The following FAM167A variants were observed in gnomAD, a reference collection of about 807,000 sequenced individuals.
The protein encoded by FAM167A is protein FAM167A.
Under a neutral mutation model 14.9 loss-of-function variants are expected in FAM167A, and 23 were observed. The observed-to-expected ratio is 1.55, with a 90% CI of 1.11 to 2.19. The LOEUF (loss-of-function observed/expected upper bound fraction) is 2.19, where lower values mean the gene tolerates loss of function less well. FAM167A is among the 30% of genes most tolerant of loss of function. The probability of loss-of-function intolerance (pLI) is 0.00; values close to 1 mark genes in which losing one functional copy is unlikely to be tolerated. For synonymous variants in FAM167A, 174 were observed against 117.7 expected (o/e 1.48, Z -3.10); for missense variants, 401 against 281.5 (o/e 1.42, Z -3.04).
rs1806671856 is a variant in FAM167A at position 11,444,632 on chromosome 8, T to A, written c.-221A>T. Reference sequence around the variant, plus strand: ...CCCTCCTGGAGGCTCGGGTCTATGATCCGTCCTGGAAGCCTGTGGGTGCCA... The same window carrying A: ...CCCTCCTGGAGGCTCGGGTCTATGAACCGTCCTGGAAGCCTGTGGGTGCCA... On this transcript the variant is annotated 5_prime_UTR_variant, in exon 2 of 3. Transcript: ENST00000284486. 7.4e-7 allele frequency: 1 copy of A among 1,353,266 alleles called. No homozygotes were observed. The highest frequency in any genetic ancestry group is 9.5e-7 in the Non-Finnish European group (1 of 1,057,954). The allele number at this position is 1,353,266 out of a possible 1,614,324, so 83.8% of individuals were successfully genotyped here.
chr8:11,442,871 G>T (rs772508736), intron 2 of FAM167A, among the ~76,000 whole-genome samples: 86 of 152,284 alleles, frequency 5.6e-4, no homozygotes, highest in Middle Eastern at 6.8e-3. Context: ...ACGCAAACAG[G>T]CTTCCAATTA....
At chr8:11,433,215 A>AAAT (rs1554524361) in intron 2 of FAM167A, among the ~76,000 whole-genome samples, 2 of 151,238 alleles carry the variant, frequency 1.3e-5, no homozygotes, top group African/African-American at 4.9e-5. Flanking sequence ...AAAAAAAAAT[A>AAAT]AAAAATAAAA....
intron 1 of FAM167A, among the ~76,000 whole-genome samples, chr8:11,447,183 C>CTTTTCTTTTTTTTTT (rs146992974): frequency 1.4e-5 from 2 of 147,014 alleles, no homozygotes. Context: ...GGTTTCTTTT[C>CTTTTCTTTTTTTTTT]TTTTTCTTTT....
At chr8:11,450,322 G>C (rs1225711064) in intron 1 of FAM167A, among the ~76,000 whole-genome samples, 1 of 152,206 alleles carries the variant, frequency 6.6e-6, no homozygotes, top group Non-Finnish European at 1.5e-5. Flanking sequence ...AATGCTTACA[G>C]CACACCACAC....
At chr8:11,455,978 G>C (rs1293332889) in intron 1 of FAM167A, among the ~76,000 whole-genome samples, 2 of 137,118 alleles carry the variant, frequency 1.5e-5, no homozygotes, top group Non-Finnish European at 3.1e-5. Flanking sequence ...TGAGTGTGGG[G>C]GGTGGTTGCC....
intron 2 of FAM167A, among the ~76,000 whole-genome samples, chr8:11,437,793 T>A (rs1806131884): frequency 6.6e-6 from 1 of 152,156 alleles, no homozygotes; most frequent in South Asian, 2.1e-4. Flanking sequence ...GAGTTTATTA[T>A]TATAGAAGAA....
At chr8:11,439,412 G>A (rs984303980) in intron 2 of FAM167A, among the ~76,000 whole-genome samples, 5 of 152,256 alleles carry the variant, frequency 3.3e-5, no homozygotes, top group African/African-American at 1.2e-4. Context: ...CCAGAGTCTT[G>A]TGCATACCAA....
intron 1 of FAM167A, among the ~76,000 whole-genome samples, chr8:11,458,079 C>CTAG (rs1790900110): frequency 2.7e-5 from 1 of 37,028 alleles, no homozygotes; most frequent in Non-Finnish European, 6.0e-5. Flanking sequence ...TGACATCTCC[C>CTAG]CAGCAGACCT....
intron 2 of FAM167A, among the ~76,000 whole-genome samples, chr8:11,429,161 TTCTG>T (rs1585231100): frequency 6.6e-6 from 1 of 152,158 alleles, no homozygotes; most frequent in Non-Finnish European, 1.5e-5. Flanking sequence ...CCCTTCTACT[TTCTG>T]TCTGTATGAC....
At position 11,451,741 on chromosome 8, in the gene FAM167A, C is replaced by T. The variant is rs183786970; in HGVS notation, c.-397-6933G>A. Among the ~76,000 whole-genome samples, 8 of 152,262 alleles carry T rather than the reference C, an allele frequency of 5.3e-5. No homozygotes were observed. The East Asian group carries it at 7.7e-4, about 15-fold the overall frequency. On this transcript the variant is annotated intron_variant, in intron 1 of 2. Transcript: ENST00000284486. ...GTCTCAGAGGAAGGGATGGTTAGGGCGCATCTGTGAACCAACCCTGGAGGC... is the reference window on the plus strand; with the variant it reads ...GTCTCAGAGGAAGGGATGGTTAGGGTGCATCTGTGAACCAACCCTGGAGGC...
chr8:11,470,611 C>T (rs535937801), upstream of FAM167A, among the ~76,000 whole-genome samples: 5 of 152,292 alleles, frequency 3.3e-5, no homozygotes, highest in South Asian at 6.2e-4. Flanking sequence ...ATCAGTCTCT[C>T]CTGATCCCTT....
Position 11,444,456 on chromosome 8 carries a change from C to T in FAM167A, c.-45G>A, listed in dbSNP as rs201698148. On this transcript the variant is annotated 5_prime_UTR_variant, in exon 2 of 3. Coordinates refer to ENST00000284486, the MANE Select transcript of FAM167A (RefSeq NM_053279.3). ...GCCGGACATGCGAGGGCACGGGGGG[C>T]GCAGGGGGAGGCTTGGTGGGTGGCA... The T allele has an allele frequency of 1.0e-3, 1,565 of 1,504,478 alleles. 13 individuals are homozygous for T. The highest frequency in any genetic ancestry group is 1.4e-4 in the Non-Finnish European group (159 of 1,128,336). The allele number at this position is 1,504,478 out of a possible 1,614,324, so 93.2% of individuals were successfully genotyped here. A position where few individuals can be genotyped will look rare whatever the true frequency, so the allele number is the denominator to read the frequency against.
rs929764951 is a variant in FAM167A, at chr8:11,444,493, C to T, written c.-82G>A. ...CTTGGTGGGTGGCACAGTTGGGTCC[C>T]GCTCTGGGATGGCCTCATCCAGGTG... On this transcript the variant is annotated 5_prime_UTR_variant, in exon 2 of 3. Transcript: ENST00000284486. 1.1e-5 allele frequency: 16 copies of T among 1,491,848 alleles called. No homozygotes were observed. The South Asian group carries it at 1.2e-4, about 11-fold the overall frequency. 92.4% of individuals were successfully genotyped at this position (1,491,848 alleles called of 1,614,324 possible).
intron 1 of FAM167A, among the ~76,000 whole-genome samples, chr8:11,465,058 G>A (rs530241761): frequency 6.6e-6 from 1 of 152,144 alleles, no homozygotes; most frequent in Non-Finnish European, 1.5e-5. Flanking sequence ...AACAGGGTGT[G>A]GGGGAGCAAC....
chr8:11,436,521 A>G (rs541412355), intron 2 of FAM167A, among the ~76,000 whole-genome samples: 1 of 152,240 alleles, frequency 6.6e-6, no homozygotes, highest in African/African-American at 2.4e-5. Flanking sequence ...CGGCGGAGGG[A>G]GAGAAGACAC....
intron 2 of FAM167A, among the ~76,000 whole-genome samples, chr8:11,427,231 G>C (rs1209726065): frequency 1.3e-5 from 2 of 152,126 alleles, no homozygotes; most frequent in African/African-American, 2.4e-5. Flanking sequence ...CCACTCCTGA[G>C]GTACCAGCAG....
chr8:11,445,241 C>G (rs961517726), intron 1 of FAM167A: 2 of 985,426 alleles, frequency 2.0e-6, no homozygotes. Flanking sequence ...CCGGGGGGTC[C>G]CCAGAGCCAG....
At chr8:11,432,918 A>G (rs1249883382) in intron 2 of FAM167A, among the ~76,000 whole-genome samples, 3 of 152,228 alleles carry the variant, frequency 2.0e-5, no homozygotes, top group African/African-American at 7.2e-5. Context: ...TTGCAGGGAC[A>G]TGGATGGAAG....
chr8:11,462,171 T>C (rs568033306), intron 1 of FAM167A, among the ~76,000 whole-genome samples: 1 of 152,310 alleles, frequency 6.6e-6, no homozygotes, highest in South Asian at 2.1e-4. Flanking sequence ...TGCTGAAGCC[T>C]CCCGGGTTCA....
Sources: allele counts gnomAD v4.1 joint callset (sites outside exome capture counted in the v4.1 genomes callset), GRCh38; gene constraint gnomAD v4.1.1; transcripts MANE v1.5; gene names NCBI Gene and HGNC (gene_info 2026-07-23, HGNC 2026-07-21).